Variants in AFG2A observed in about 807,000 individuals in gnomAD.
AFG2A encodes AAA ATPase AFG2A, also known as ATPase family gene 2 protein homolog A.
the AFG2A span, among the ~76,000 whole-genome samples, chr4:123,162,941 A>C: frequency 6.6e-6 from 1 of 152,232 alleles, no homozygotes; most frequent in South Asian, 2.1e-4. Context: ...TACATATTTG[A>C]TATTTAAAAT....
At chr4:122,936,069 A>G in the AFG2A span, 1 of 1,553,340 alleles carries the variant, frequency 6.4e-7, no homozygotes, top group Non-Finnish European at 8.7e-7. Flanking sequence ...ACAATAAGAA[A>G]TGGTCTTTAA....
the AFG2A span, among the ~76,000 whole-genome samples, chr4:123,143,526 A>C: frequency 6.6e-6 from 1 of 152,008 alleles, no homozygotes; most frequent in Non-Finnish European, 1.5e-5. Context: ...CCACCTTCTT[A>C]TGAGCTTTTC....
the AFG2A span, among the ~76,000 whole-genome samples, chr4:123,071,291 A>G: frequency 2.6e-5 from 4 of 152,090 alleles, no homozygotes; most frequent in African/African-American, 9.7e-5. Flanking sequence ...GACCAACCTG[A>G]CCAACATGGA....
At chr4:123,258,987 C>T in the AFG2A span, among the ~76,000 whole-genome samples, 2 of 151,798 alleles carry the variant, frequency 1.3e-5, no homozygotes, top group African/African-American at 4.8e-5. Flanking sequence ...CTGCCTCAGC[C>T]TCCCAAGTCG....
the AFG2A span, among the ~76,000 whole-genome samples, chr4:123,104,843 A>G: frequency 2.0e-5 from 3 of 152,244 alleles, no homozygotes; most frequent in Non-Finnish European, 4.4e-5. Flanking sequence ...GTTGGCAGCT[A>G]GCAGAACTTG....
chr4:123,142,805 A>G, the AFG2A span, among the ~76,000 whole-genome samples: 1 of 152,288 alleles, frequency 6.6e-6, no homozygotes, highest in East Asian at 1.9e-4. Context: ...GGATCTTAAA[A>G]TAGGAATGAT....
the AFG2A span, among the ~76,000 whole-genome samples, chr4:123,110,004 A>G: frequency 6.6e-6 from 1 of 152,050 alleles, no homozygotes; most frequent in Non-Finnish European, 1.5e-5. Context: ...TCTGTTCTTC[A>G]TTGAGAAAGT....
chr4:123,067,643 G>A, the AFG2A span, among the ~76,000 whole-genome samples: 1 of 152,122 alleles, frequency 6.6e-6, no homozygotes, highest in Admixed American at 6.5e-5. Context: ...TATATAAGAT[G>A]CTGGTATATA....
chr4:123,073,358 A>C, the AFG2A span, among the ~76,000 whole-genome samples: 1 of 152,122 alleles, frequency 6.6e-6, no homozygotes, highest in African/African-American at 2.4e-5. Flanking sequence ...TGTTTTTAAA[A>C]TAATTTTATT....
chr4:123,063,217 A>G, the AFG2A span, among the ~76,000 whole-genome samples: 1 of 152,208 alleles, frequency 6.6e-6, no homozygotes, highest in Non-Finnish European at 1.5e-5. Context: ...ATAAAGAACT[A>G]CTGATAGATA....
the AFG2A span, chr4:123,028,338 A>G: frequency 6.2e-7 from 1 of 1,614,166 alleles, no homozygotes; most frequent in Non-Finnish European, 8.5e-7. Flanking sequence ...GGTGCTCTAA[A>G]ACAATGATAG....
the AFG2A span, among the ~76,000 whole-genome samples, chr4:122,998,839 G>T: frequency 2.2e-3 from 333 of 152,324 alleles, 1 homozygote; most frequent in Middle Eastern, 0.024. Context: ...TAATGGGATG[G>T]TTGGGTCAAA....
chr4:123,110,668 TA>T, the AFG2A span, among the ~76,000 whole-genome samples: 1 of 152,192 alleles, frequency 6.6e-6, no homozygotes, highest in Admixed American at 6.5e-5. Context: ...TTACCACTTT[TA>T]TTTGAGCACA....
At chr4:123,281,453 A>G in the AFG2A span, among the ~76,000 whole-genome samples, 2 of 152,192 alleles carry the variant, frequency 1.3e-5, no homozygotes, top group South Asian at 2.1e-4. Flanking sequence ...CTTTAGACCT[A>G]CAGGCTGCCA....
the AFG2A span, among the ~76,000 whole-genome samples, chr4:123,155,506 T>A: frequency 1.3e-5 from 2 of 152,218 alleles, no homozygotes; most frequent in Non-Finnish European, 2.9e-5. Flanking sequence ...TATATGCAAT[T>A]GGCCTTGTGT....
At chr4:123,039,926 G>A in the AFG2A span, among the ~76,000 whole-genome samples, 1 of 151,854 alleles carries the variant, frequency 6.6e-6, no homozygotes, top group Non-Finnish European at 1.5e-5. Context: ...TTATTTCTTT[G>A]ACTAGCCCTT....
the AFG2A span, among the ~76,000 whole-genome samples, chr4:123,109,572 T>C: frequency 6.6e-6 from 1 of 152,114 alleles, no homozygotes; most frequent in Admixed American, 6.5e-5. Flanking sequence ...TTGAGCCTCA[T>C]AGGAAAAGAT....
At chr4:123,233,127 C>T in the AFG2A span, among the ~76,000 whole-genome samples, 9 of 152,038 alleles carry the variant, frequency 5.9e-5, no homozygotes, top group African/African-American at 1.4e-4. Flanking sequence ...CAGTGTTAAT[C>T]GCATGACCCA....
At chr4:123,276,805 T>C in the AFG2A span, among the ~76,000 whole-genome samples, 1 of 152,162 alleles carries the variant, frequency 6.6e-6, no homozygotes. Flanking sequence ...CATATGGTCT[T>C]ATTTCTGGGT....
Sources: allele counts gnomAD v4.1 joint callset (sites outside exome capture counted in the v4.1 genomes callset), GRCh38; gene constraint gnomAD v4.1.1; transcripts MANE v1.5; gene names NCBI Gene and HGNC (gene_info 2026-07-23, HGNC 2026-07-21).